Variants in COL7A1 observed in about 807,000 individuals in gnomAD.
The protein encoded by COL7A1 is collagen alpha-1(VII) chain.
In COL7A1, 296 loss-of-function variants were observed where a neutral mutation model predicts 456.2. The ratio of observed to expected loss-of-function variants is 0.65; its 90% CI spans 0.59 to 0.71. The LOEUF is 0.71. COL7A1 is among the 30% of genes least tolerant of loss of function. COL7A1 has a pLI of 0.00. For missense variants in COL7A1, 3,441 were observed against 4,017.2 expected, an observed-to-expected ratio of 0.86 and a Z score of 3.88; for synonymous variants, 1,464 against 1,525.9, an observed-to-expected ratio of 0.96 and a Z score of 0.95.
chr3:48,570,280 T>A lies in COL7A1; in HGVS notation c.7435A>T (p.Ile2479Phe). 6.2e-7 allele frequency: 1 copy of A among 1,613,558 alleles called. No homozygotes were observed. The highest frequency in any genetic ancestry group is 8.5e-7 in the Non-Finnish European group (1 of 1,179,830). Residue 2479 changes from isoleucine to phenylalanine, a missense_variant, in exon 98 of 119, where the codon ATC (isoleucine) becomes TTC (phenylalanine). Ile to Phe is a conservative substitution (Grantham distance 21). This residue lies in a region of COL7A1 where 2,084 missense variants were observed against 2,501.3 expected (regional missense o/e 0.83). Coordinates refer to ENST00000681320, the MANE Select transcript of COL7A1 (RefSeq NM_000094.4). This position sits in a 1 kb window ranked among gnomAD's most constrained non-coding sequence, Gnocchi z 5.5. Reference sequence around the variant, plus strand: ...GTGGAGTAAGACATACGTACCCGGATGCCTGGCTCCCCACGCTCGCCTCGG... The same window carrying A: ...GTGGAGTAAGACATACGTACCCGGAAGCCTGGCTCCCCACGCTCGCCTCGG... ...GPRGERGEPG[I>F]RGEDGRPGQE...
chr3:48,576,202 A>G (rs774085895), intron 71 of COL7A1, 47 bp downstream of exon 71: 18 of 1,611,284 alleles, frequency 1.1e-5, no homozygotes, highest in Middle Eastern at 1.9e-4. Context: ...GGTGGCCCCA[A>G]TGGGCATGCA....
At position 48,583,557 on chromosome 3, in the gene COL7A1, T is replaced by G; in HGVS notation, c.4400A>C (p.Gln1467Pro). ...AGAATCCCTGGCCCCTCCACTCACC[T>G]GCTCACCCGGAGACCCAGGTTGTCC... ...LPGQPGSPGE[Q>P]GPRGPPGAIG... Residue 1467 changes from glutamine (Q) to proline (P), a missense_variant and splice_region_variant, in exon 41 of 119, where the codon CAG becomes CCG. By Grantham distance (76) the Gln-to-Pro change is moderately conservative (BLOSUM62 -1). This residue lies in a region of COL7A1 where 2,084 missense variants were observed against 2,501.3 expected (regional missense o/e 0.83). Transcript: ENST00000681320. The surrounding 1 kb of genome is among the most constrained non-coding windows in gnomAD (Gnocchi z 5.1). 2 of 1,614,068 alleles carry G rather than the reference T, an allele frequency of 1.2e-6. No homozygotes were observed. Among genetic ancestry groups the G allele is most frequent in the Non-Finnish European group, 1.7e-6 (2 of 1,180,016 alleles).
Position 48,587,279 on chromosome 3 carries a change from C to G in COL7A1, c.3050G>C (p.Gly1017Ala). The G allele has an allele frequency of 6.2e-7, 1 of 1,609,636 alleles. No homozygotes were observed. Among genetic ancestry groups the G allele is most frequent in the South Asian group, 1.1e-5 (1 of 90,412 alleles). The change falls in exon 24 of 119, where the codon GGG becomes GCG. Residue 1017 changes from glycine to alanine, a missense_variant. Gly to Ala is a moderately conservative substitution (Grantham distance 60). Transcript: ENST00000681320. The surrounding 1 kb of genome is among the most constrained non-coding windows in gnomAD (Gnocchi z 6.1). ...GATGTAAGAGACGCCAGGCTCTAGC[C>G]CTGTCACCCGCTGGGAGCTTGAGAT... Reference protein sequence around the residue: ...PGISSSQRVTGLEPGVSYIFS... With the variant: ...PGISSSQRVTALEPGVSYIFS...
In COL7A1 at chr3:48,592,159, C is replaced by G; in HGVS notation, c.1183G>C (p.Val395Leu). The G allele has an allele frequency of 6.2e-7, 1 of 1,614,112 alleles. No homozygotes were observed. Among genetic ancestry groups the G allele is most frequent in the Non-Finnish European group, 8.5e-7 (1 of 1,180,034 alleles). The part of the protein sequence containing the change: ...LEPGTDYEVT[V>L]STLFGRSVGP... ...ACACTGCGGCCAAATAGGGTGCTCA[C>G]GGTCACCTCATAGTCCGTGCCAGGC... The change falls in exon 10 of 119, where the codon GTG becomes CTG. Residue 395 changes from valine (V) to leucine (L), a missense_variant. Val to Leu is a conservative substitution (Grantham distance 32). Transcript: ENST00000681320. This position sits in a 1 kb window ranked among gnomAD's most constrained non-coding sequence, Gnocchi z 7.6.
rs781282319 is a variant in COL7A1 at position 48,575,827 on chromosome 3, G to A, written c.5856+40C>T. On this transcript the variant is annotated intron_variant, in intron 72 of 118. Coordinates refer to ENST00000681320, the MANE Select transcript of COL7A1 (RefSeq NM_000094.4). The surrounding 1 kb of genome is among the most constrained non-coding windows in gnomAD (Gnocchi z 6.3). ...CCTGTGGGCACCACTAGCCCCAAGG[G>A]CCCCCACTTGTCCCTACCCCCAGCC... is the stretch of plus-strand genomic sequence containing the variant. 2.5e-6 allele frequency: 4 copies of A among 1,614,036 alleles called. No homozygotes were observed. Among genetic ancestry groups the A allele is most frequent in the Non-Finnish European group, 3.4e-6 (4 of 1,179,994 alleles).
Position 48,580,045 on chromosome 3 carries a change from G to T in COL7A1, c.5110C>A (p.Pro1704Thr), listed in dbSNP as rs1208830692. Residue 1704 changes from proline to threonine, a missense_variant, in exon 57 of 119, where the codon CCC (proline) becomes ACC (threonine). By Grantham distance (38) the Pro-to-Thr change is conservative. Coordinates refer to ENST00000681320, the MANE Select transcript of COL7A1 (RefSeq NM_000094.4). The surrounding 1 kb of genome is among the most constrained non-coding windows in gnomAD (Gnocchi z 4.5). ...GCAGCCCTTACCAGCCGTCCCGGGG[G>T]TCCTGGGGGACCCTGGGAAAGGAAA... Reference protein sequence around the residue: ...GDRGEPGPPGPPGRLVDTGPG... With the variant: ...GDRGEPGPPGTPGRLVDTGPG... 13 of 1,613,904 alleles carry T rather than the reference G, an allele frequency of 8.1e-6. No individual in the cohort carries two copies. Among genetic ancestry groups the T allele is most frequent in the Non-Finnish European group, 1.0e-5 (12 of 1,179,972 alleles).
Position 48,577,002 on chromosome 3 carries a change from T to C in COL7A1, c.5558A>G (p.Asp1853Gly), listed in dbSNP as rs1256148526. The C allele has an allele frequency of 6.2e-7, 1 of 1,613,950 alleles. No homozygotes were observed. The highest frequency in any genetic ancestry group is 8.5e-7 in the Non-Finnish European group (1 of 1,180,024). ...KNGEPGDPGE[D>G]GRKGEKGDSG... ...GGTGGGGGACTTTACCTTCCTCCCGTCTTCTCCAGGGTCCCCAGGTTCTCC... is the reference window on the plus strand; with the variant it reads ...GGTGGGGGACTTTACCTTCCTCCCGCCTTCTCCAGGGTCCCCAGGTTCTCC... The change falls in exon 66 of 119, where the codon GAC becomes GGC. Residue 1853 changes from aspartate to glycine, a missense_variant. Physicochemically the swap from Asp to Gly is moderately conservative, Grantham distance 94. This residue lies in a region of COL7A1 where 2,084 missense variants were observed against 2,501.3 expected (regional missense o/e 0.83). Transcript: ENST00000681320.
At position 48,585,799 on chromosome 3, in the gene COL7A1, T is replaced by G. The variant is rs773765987; in HGVS notation, c.3786+31A>C. ...TCCTGCCCCACTGACACTCAACCCA[T>G]TCTCTATTCCCCGCCCGCAGGGGCA... On this transcript the variant is annotated intron_variant, in intron 30 of 118. Transcript: ENST00000681320. This position sits in a 1 kb window ranked among gnomAD's most constrained non-coding sequence, Gnocchi z 4.5. The G allele has an allele frequency of 6.2e-7, 1 of 1,614,012 alleles. No homozygotes were observed. The highest frequency in any genetic ancestry group is 1.7e-5 in the Admixed American group (1 of 60,026).
Position 48,586,492 on chromosome 3 carries a change from C to CA in COL7A1, c.3404-15dup, listed in dbSNP as rs1157969594. ...CCACGGCTGTGCCTGGAAGGAAGGA[C>CA]ATGTCAGAACCCTGGGGCACCAAGC... is the stretch of plus-strand genomic sequence containing the variant. On this transcript the variant is annotated splice_polypyrimidine_tract_variant and intron_variant, in intron 26 of 118. Transcript: ENST00000681320. This position sits in a 1 kb window ranked among gnomAD's most constrained non-coding sequence, Gnocchi z 5.1. 4.3e-6 allele frequency: 7 copies of CA among 1,613,668 alleles called. No homozygotes were observed. The highest frequency in any genetic ancestry group is 5.9e-6 in the Non-Finnish European group (7 of 1,180,050).
chr3:48,594,524 G>C lies in COL7A1; in HGVS notation c.110C>G (p.Ala37Gly), dbSNP rs371000403. 1.2e-6 allele frequency: 2 copies of C among 1,609,122 alleles called. No homozygotes were observed. Among genetic ancestry groups the C allele is most frequent in the Non-Finnish European group, 1.7e-6 (2 of 1,178,862 alleles). The change falls in exon 3 of 119, where the codon GCT becomes GGT. Residue 37 changes from alanine (A) to glycine (G), a missense_variant. Ala to Gly is a moderately conservative substitution (Grantham distance 60). Around this residue, in one of 3 missense-constraint regions of COL7A1, gnomAD observed 913 missense variants for 1,088.2 expected, o/e 0.84. Coordinates refer to ENST00000681320, the MANE Select transcript of COL7A1 (RefSeq NM_000094.4). This position sits in a 1 kb window ranked among gnomAD's most constrained non-coding sequence, Gnocchi z 5.5. ...GCCATCCAGTAAGAACACAATGTCAGCGGCGTAAAGGCGCGTGCAGGTCAC... is the reference window on the plus strand; with the variant it reads ...GCCATCCAGTAAGAACACAATGTCACCGGCGTAAAGGCGCGTGCAGGTCAC... ...ERVTCTRLYA[A>G]DIVFLLDGSS... is the part of the protein sequence containing the mutation.
In COL7A1 at chr3:48,592,594, C is replaced by A; in HGVS notation, c.952G>T (p.Ala318Ser). The A allele has an allele frequency of 6.2e-7, 1 of 1,614,052 alleles. No homozygotes were observed. Among genetic ancestry groups the A allele is most frequent in the South Asian group, 1.1e-5 (1 of 91,090 alleles). Residue 318 changes from alanine (A) to serine (S), a missense_variant, in exon 8 of 119, where the codon GCT becomes TCT. By Grantham distance (99) the Ala-to-Ser change is moderately conservative. This residue lies in a region of COL7A1 where 913 missense variants were observed against 1,088.2 expected (regional missense o/e 0.84). Transcript: ENST00000681320. The surrounding 1 kb of genome is among the most constrained non-coding windows in gnomAD (Gnocchi z 7.6). ...IALYANSIGEAVSGTARTTAL... is the reference protein window; with the variant it reads ...IALYANSIGESVSGTARTTAL... ...CTGGTCCGAGCTGTCCCGCTCACAG[C>A]CTCCCCGATGCTGTTGGCGTAGAGG...
In COL7A1 at chr3:48,578,779, T is replaced by C; in HGVS notation, c.5424+140A>G. On this transcript the variant is annotated intron_variant, in intron 63 of 118. Coordinates refer to ENST00000681320, the MANE Select transcript of COL7A1 (RefSeq NM_000094.4). This position sits in a 1 kb window ranked among gnomAD's most constrained non-coding sequence, Gnocchi z 4.7. ...GAAAGGGGGATTCTACTAAAACCTG[T>C]GTGCCAGGGACTGAGACCCTCCCAA... 2.3e-6 allele frequency: 2 copies of C among 887,062 alleles called. No homozygotes were observed. Among genetic ancestry groups the C allele is most frequent in the Non-Finnish European group, 3.4e-6 (2 of 591,848 alleles). The allele number at this position is 887,062 out of a possible 1,614,324, so 54.9% of individuals were successfully genotyped here.
At position 48,569,684 on chromosome 3, in the gene COL7A1, C is replaced by T. The variant is rs1443540869; in HGVS notation, c.7558-36G>A. On this transcript the variant is annotated intron_variant, in intron 101 of 118. Coordinates refer to ENST00000681320, the MANE Select transcript of COL7A1 (RefSeq NM_000094.4). The surrounding 1 kb of genome is among the most constrained non-coding windows in gnomAD (Gnocchi z 4.9). ...AGGCAGGAATCAGAGGAGTCGGGAGCACCCTGGCCCCTGCCCTGCCCTCCC... is the reference window on the plus strand; with the variant it reads ...AGGCAGGAATCAGAGGAGTCGGGAGTACCCTGGCCCCTGCCCTGCCCTCCC... 2 of 1,614,106 alleles carry T rather than the reference C, an allele frequency of 1.2e-6. No individual in the cohort carries two copies. The highest frequency in any genetic ancestry group is 4.5e-5 in the East Asian group (2 of 44,864).
At position 48,575,437 on chromosome 3, in the gene COL7A1, C is replaced by CG. The variant is rs780623622; in HGVS notation, c.6081dup (p.Gly2028ArgfsTer71). 4.3e-6 allele frequency: 7 copies of CG among 1,609,894 alleles called. No homozygotes were observed. The highest frequency in any genetic ancestry group is 2.2e-5 in the East Asian group (1 of 44,756). ...GGCTCCCCGGCAAGGCCGGAAGGCCCGGGGGGGCCCCTCTCCCCAAGGGCC... is the reference window on the plus strand; with the variant it reads ...GGCTCCCCGGCAAGGCCGGAAGGCCCGGGGGGGGCCCCTCTCCCCAAGGGCC... On this transcript the variant is annotated frameshift_variant, in exon 74 of 119. Coordinates refer to ENST00000681320, the MANE Select transcript of COL7A1 (RefSeq NM_000094.4). LOFTEE classifies it high-confidence loss of function. The surrounding 1 kb of genome is among the most constrained non-coding windows in gnomAD (Gnocchi z 6.3).
In COL7A1 at chr3:48,592,965, G is replaced by C; in HGVS notation, c.683-27C>G. 6.2e-7 allele frequency: 1 copy of C among 1,613,250 alleles called. No homozygotes were observed. The highest frequency in any genetic ancestry group is 8.5e-7 in the Non-Finnish European group (1 of 1,179,882). The stretch of plus-strand genomic sequence containing the variant: ...TGGGAATGCGGGATCAGGGGATCAG[G>C]CAGGAGGATTGGGGTGGGCATGTAT... On this transcript the variant is annotated intron_variant, in intron 6 of 118. Transcript: ENST00000681320. This position sits in a 1 kb window ranked among gnomAD's most constrained non-coding sequence, Gnocchi z 7.6.
Position 48,594,316 on chromosome 3 carries a change from A to C in COL7A1, c.266+52T>G. 4 of 1,591,922 alleles carry C rather than the reference A, an allele frequency of 2.5e-6. No homozygotes were observed. Among genetic ancestry groups the C allele is most frequent in the Non-Finnish European group, 2.6e-6 (3 of 1,170,038 alleles). On this transcript the variant is annotated intron_variant, in intron 3 of 118. Coordinates refer to ENST00000681320, the MANE Select transcript of COL7A1 (RefSeq NM_000094.4). The surrounding 1 kb of genome is among the most constrained non-coding windows in gnomAD (Gnocchi z 5.5). Reference sequence around the variant, plus strand: ...CCAGGGTCTCCTCCCTCTCTGGGGAAGGAGTCTTGGTGGGGATCTCGTGGT... The same window carrying C: ...CCAGGGTCTCCTCCCTCTCTGGGGACGGAGTCTTGGTGGGGATCTCGTGGT...
chr3:48,583,840 G>A lies in COL7A1; in HGVS notation c.4278+60C>T. Reference sequence around the variant, plus strand: ...CTATGAAGCCCAGCACCCAACCACTGCCCCAGGAGAGACCCACACCCCTGA... The same window carrying A: ...CTATGAAGCCCAGCACCCAACCACTACCCCAGGAGAGACCCACACCCCTGA... On this transcript the variant is annotated intron_variant, in intron 39 of 118. Transcript: ENST00000681320. The surrounding 1 kb of genome is among the most constrained non-coding windows in gnomAD (Gnocchi z 5.1). 1 of 1,613,014 alleles carries A rather than the reference G, an allele frequency of 6.2e-7. No homozygotes were observed.
rs890477958 is a variant in COL7A1 at position 48,574,055 on chromosome 3, GCACACACACATCCACATACAAC to G, written c.6501+185_6502-166del. Reference sequence around the variant, plus strand: ...TCTCATAGATAGCACACACGGGCCTGCACACACACATCCACATACAACCACACACAGACACAGGCACACACAG... The same window carrying G: ...TCTCATAGATAGCACACACGGGCCTGCACACACAGACACAGGCACACACAG... On this transcript the variant is annotated intron_variant, in intron 80 of 118. Transcript: ENST00000681320. This position sits in a 1 kb window ranked among gnomAD's most constrained non-coding sequence, Gnocchi z 5.0. 6.6e-6 allele frequency among the ~76,000 whole-genome samples: 1 copy of G among 151,766 alleles called. No homozygotes were observed. Among genetic ancestry groups the G allele is most frequent in the African/African-American group, 2.4e-5 (1 of 41,272 alleles).
chr3:48,578,152 G>T lies in COL7A1; in HGVS notation c.5532+169C>A, dbSNP rs956372018. Among the ~76,000 whole-genome samples the T allele has an allele frequency of 6.6e-6, 1 of 151,088 alleles. No individual in the cohort carries two copies. The highest frequency in any genetic ancestry group is 1.5e-5 in the Non-Finnish European group (1 of 67,798). ...GCACTCCAACCTGGGCAACAAGAGC[G>T]AAACTCCATCTCAAAAAAAAAAAAA... is the stretch of plus-strand genomic sequence containing the variant. On this transcript the variant is annotated intron_variant, in intron 65 of 118. Transcript: ENST00000681320. This position sits in a 1 kb window ranked among gnomAD's most constrained non-coding sequence, Gnocchi z 4.7.
Sources: gnomAD v4.1 joint callset for allele counts (sites outside exome capture counted in the v4.1 genomes callset) on GRCh38, gnomAD v4.1.1 for gene constraint, gnomAD v4.1.1 regional missense constraint, Gnocchi (gnomAD v3.1) non-coding constraint, MANE v1.5 for transcripts, NCBI Gene and HGNC (gene_info 2026-07-23, HGNC 2026-07-21) for gene names.